Variants in CATSPERT observed in about 807,000 individuals in gnomAD.
The protein encoded by CATSPERT is catsper channel auxiliary subunit tau, also known as cation channel sperm-associated targeting subunit tau.
At chr2:201,541,447 A>G in the CATSPERT span, among the ~76,000 whole-genome samples, 473 of 149,662 alleles carry the variant, frequency 3.2e-3, 9 homozygotes, top group Admixed American at 0.028. Flanking sequence ...AGCAACTACC[A>G]TCTTGATCAG....
the CATSPERT span, among the ~76,000 whole-genome samples, chr2:201,594,875 T>C: frequency 4.6e-5 from 7 of 151,424 alleles, no homozygotes; most frequent in Non-Finnish European, 1.0e-4. Flanking sequence ...TAGTTATACA[T>C]TCTTCTAAAT....
chr2:201,554,651 A>G, the CATSPERT span: 2 of 152,186 alleles, frequency 1.3e-5, no homozygotes, highest in African/African-American at 4.8e-5. Flanking sequence ...AAAGAATCAT[A>G]TATATGAAAA....
At chr2:201,492,208 T>G in the CATSPERT span, 1 of 1,520,388 alleles carries the variant, frequency 6.6e-7, no homozygotes, top group Non-Finnish European at 8.8e-7. Flanking sequence ...TGAATGCTTC[T>G]CCACAAAGTG....
the CATSPERT span, among the ~76,000 whole-genome samples, chr2:201,517,043 C>T: frequency 5.9e-5 from 9 of 151,828 alleles, no homozygotes; most frequent in South Asian, 1.9e-3. Flanking sequence ...CTTTCTGGCA[C>T]ATGCTGCTAT....
At chr2:201,594,546 T>C in the CATSPERT span, among the ~76,000 whole-genome samples, 1 of 152,212 alleles carries the variant, frequency 6.6e-6, no homozygotes, top group Admixed American at 6.5e-5. Context: ...ATTGGGGAAG[T>C]TCTCCTGGAT....
the CATSPERT span, among the ~76,000 whole-genome samples, chr2:201,576,572 T>C: frequency 6.6e-6 from 1 of 152,240 alleles, no homozygotes; most frequent in African/African-American, 2.4e-5. Context: ...TATTAAATGT[T>C]ACTTTGTTGT....
At chr2:201,605,338 G>A in the CATSPERT span, among the ~76,000 whole-genome samples, 1 of 152,134 alleles carries the variant, frequency 6.6e-6, no homozygotes, top group South Asian at 2.1e-4. Flanking sequence ...GAAGGGACCT[G>A]AAAGAGAAGG....
At chr2:201,499,982 C>T in the CATSPERT span, among the ~76,000 whole-genome samples, 1 of 151,350 alleles carries the variant, frequency 6.6e-6, no homozygotes, top group Non-Finnish European at 1.5e-5. Flanking sequence ...TTTCCCCAAG[C>T]AGTGGTATCC....
the CATSPERT span, among the ~76,000 whole-genome samples, chr2:201,515,627 G>T: frequency 6.6e-6 from 1 of 152,056 alleles, no homozygotes; most frequent in Non-Finnish European, 1.5e-5. Context: ...TGGGAGAAAG[G>T]TAACATGATC....
chr2:201,600,029 G>A, the CATSPERT span, among the ~76,000 whole-genome samples: 2 of 152,096 alleles, frequency 1.3e-5, no homozygotes, highest in East Asian at 1.9e-4. Context: ...ACAGTGTGGC[G>A]ATTCCTCAAG....
At chr2:201,520,278 A>C in the CATSPERT span, among the ~76,000 whole-genome samples, 1 of 152,232 alleles carries the variant, frequency 6.6e-6, no homozygotes, top group Non-Finnish European at 1.5e-5. Context: ...AGAAAATCAA[A>C]AAGAAACATT....
chr2:201,542,589 T>G, the CATSPERT span, among the ~76,000 whole-genome samples: 1 of 152,212 alleles, frequency 6.6e-6, no homozygotes, highest in African/African-American at 2.4e-5. Context: ...TGATTTTGAT[T>G]TGTATTTACC....
At chr2:201,496,607 T>C in the CATSPERT span, among the ~76,000 whole-genome samples, 4 of 152,202 alleles carry the variant, frequency 2.6e-5, no homozygotes, top group East Asian at 7.7e-4. Context: ...CCTCCCAAAG[T>C]GCTGGGATTA....
the CATSPERT span, among the ~76,000 whole-genome samples, chr2:201,533,430 T>C: frequency 2.0e-5 from 3 of 152,210 alleles, no homozygotes; most frequent in Non-Finnish European, 4.4e-5. Flanking sequence ...CTGACTGATA[T>C]ATGCCTCATG....
chr2:201,537,859 T>G, the CATSPERT span, among the ~76,000 whole-genome samples: 1 of 151,992 alleles, frequency 6.6e-6, no homozygotes, highest in African/African-American at 2.4e-5. Flanking sequence ...GTTAAAATAC[T>G]TGTAAAATTT....
At chr2:201,523,684 T>C in the CATSPERT span, among the ~76,000 whole-genome samples, 1 of 152,134 alleles carries the variant, frequency 6.6e-6, no homozygotes, top group Non-Finnish European at 1.5e-5. Context: ...CAGAATCTGT[T>C]TGGCAGCAAA....
chr2:201,518,991 C>T, the CATSPERT span, among the ~76,000 whole-genome samples: 1 of 152,136 alleles, frequency 6.6e-6, no homozygotes, highest in South Asian at 2.1e-4. Flanking sequence ...TGGAGATGAT[C>T]CAGCATATAA....
At chr2:201,602,964 C>T in the CATSPERT span, among the ~76,000 whole-genome samples, 1 of 152,092 alleles carries the variant, frequency 6.6e-6, no homozygotes, top group Non-Finnish European at 1.5e-5. Flanking sequence ...TAAGTCTAGC[C>T]TTCCATGCAT....
chr2:201,580,993 A>G, the CATSPERT span, among the ~76,000 whole-genome samples: 4 of 152,224 alleles, frequency 2.6e-5, no homozygotes, highest in African/African-American at 9.6e-5. Flanking sequence ...AGCTTCAGTC[A>G]TGTCTTAAGA....
Sources: gnomAD v4.1 joint callset for allele counts (sites outside exome capture counted in the v4.1 genomes callset) on GRCh38, gnomAD v4.1.1 for gene constraint, MANE v1.5 for transcripts, NCBI Gene and HGNC (gene_info 2026-07-23, HGNC 2026-07-21) for gene names.